The following RGL1 variants were observed in gnomAD, a reference collection of about 807,000 sequenced individuals.
RGL1 encodes ral guanine nucleotide dissociation stimulator like 1, also known as ral guanine nucleotide dissociation stimulator-like 1.
A neutral mutation model predicts 95.2 loss-of-function variants in RGL1; 24 were observed. The ratio of observed to expected loss-of-function variants is 0.25; its 90% CI spans 0.18 to 0.35. The LOEUF is 0.35. Ranked by LOEUF, RGL1 falls within the 10% of genes least tolerant of loss-of-function variation. The pLI, the probability that RGL1 is intolerant of heterozygous loss-of-function variation, is 1.00. For missense variants in RGL1, 715 were observed against 936.3 expected (o/e 0.76, Z 3.08); for synonymous variants, 329 against 344.9 (o/e 0.95, Z 0.51).
intron 3 of RGL1, among the ~76,000 whole-genome samples, chr1:183,848,321 G>A (rs1274252273): frequency 1.3e-5 from 2 of 152,122 alleles, no homozygotes; most frequent in East Asian, 1.9e-4. Context: ...ATTACATAGA[G>A]CAGTATACAT....
chr1:183,639,246 A>C (rs1269259432), intron 1 of RGL1, among the ~76,000 whole-genome samples: 1 of 149,388 alleles, frequency 6.7e-6, no homozygotes, highest in African/African-American at 2.5e-5. Context: ...GTGCCATTGC[A>C]CTCCAGCCTG....
At chr1:183,761,329 G>A (rs1167371154) in intron 2 of RGL1, among the ~76,000 whole-genome samples, 1 of 152,168 alleles carries the variant, frequency 6.6e-6, no homozygotes, top group African/African-American at 2.4e-5. Context: ...GTTATGAAAT[G>A]CTGTGAAATG....
intron 11 of RGL1, 123 bp from the exon 12 acceptor site, chr1:183,902,445 T>C (rs1668083248): frequency 1.5e-6 from 1 of 671,336 alleles, no homozygotes; most frequent in Non-Finnish European, 2.4e-6. Context: ...GTCGTAATTA[T>C]AGGATCATTG....
At chr1:183,879,617 TGAC>T (rs2102634335) in intron 4 of RGL1, among the ~76,000 whole-genome samples, 1 of 152,346 alleles carries the variant, frequency 6.6e-6, no homozygotes, top group Non-Finnish European at 1.5e-5. Flanking sequence ...CCTTCAGCAG[TGAC>T]TATTCCGGGA....
intron 1 of RGL1, among the ~76,000 whole-genome samples, chr1:183,675,010 G>A (rs1200997237): frequency 6.6e-6 from 1 of 152,220 alleles, no homozygotes; most frequent in African/African-American, 2.4e-5. Flanking sequence ...AAACCCTGCT[G>A]AAAGCTATTT....
chr1:183,780,190 T>G (rs1051205333), intron 2 of RGL1, among the ~76,000 whole-genome samples: 1 of 152,218 alleles, frequency 6.6e-6, no homozygotes, highest in Non-Finnish European at 1.5e-5. Context: ...TCATAATGTT[T>G]CTAATATGCT....
intron 1 of RGL1, among the ~76,000 whole-genome samples, chr1:183,694,253 G>A (rs1654128555): frequency 6.6e-6 from 1 of 152,208 alleles, no homozygotes; most frequent in Non-Finnish European, 1.5e-5. Flanking sequence ...GGAGAGTGCG[G>A]TGTGTTGAGC....
At chr1:183,669,501 A>G (rs985073762) in intron 1 of RGL1, among the ~76,000 whole-genome samples, 1 of 152,214 alleles carries the variant, frequency 6.6e-6, no homozygotes, top group Non-Finnish European at 1.5e-5. Flanking sequence ...ACCATATGCG[A>G]TTCTGTCCAG....
intron 2 of RGL1, among the ~76,000 whole-genome samples, chr1:183,787,423 C>T (rs1660232541): frequency 3.3e-5 from 5 of 152,152 alleles, no homozygotes; most frequent in African/African-American, 9.7e-5. Context: ...ATCCCAATAT[C>T]GTCTTCTCTT....
intron 1 of RGL1, chr1:183,647,996 G>A: frequency 6.2e-7 from 1 of 1,614,196 alleles, no homozygotes; most frequent in Non-Finnish European, 8.5e-7. Flanking sequence ...CATTGTTTAA[G>A]GGGTAGCTCT....
intron 1 of RGL1, among the ~76,000 whole-genome samples, chr1:183,680,202 C>T (rs1351000892): frequency 6.6e-6 from 1 of 151,974 alleles, no homozygotes; most frequent in Admixed American, 6.6e-5. Context: ...TTTTGCTGTC[C>T]AGAAGCTCTT....
At chr1:183,876,751 C>T (rs1666522344) in intron 4 of RGL1, among the ~76,000 whole-genome samples, 1 of 152,204 alleles carries the variant, frequency 6.6e-6, no homozygotes, top group African/African-American at 2.4e-5. Context: ...GTGTTCACAG[C>T]AGCCATCTTC....
At chr1:183,731,057 A>G (rs1212077423) in intron 1 of RGL1, among the ~76,000 whole-genome samples, 4 of 152,186 alleles carry the variant, frequency 2.6e-5, no homozygotes, top group African/African-American at 9.7e-5. Flanking sequence ...GAAGTTAACA[A>G]TTAATATCTT....
At chr1:183,677,653 A>G (rs549723450) in intron 1 of RGL1, among the ~76,000 whole-genome samples, 1 of 152,342 alleles carries the variant, frequency 6.6e-6, no homozygotes, top group Admixed American at 6.5e-5. Flanking sequence ...GCCCTGTGGA[A>G]GTGTTAATGG....
At chr1:183,708,919 G>T (rs558178687) in intron 1 of RGL1, among the ~76,000 whole-genome samples, 1 of 152,330 alleles carries the variant, frequency 6.6e-6, no homozygotes, top group East Asian at 1.9e-4. Context: ...TAAGGCTCTT[G>T]TATCAGTTTG....
At chr1:183,758,629 GA>G (rs1333837670) in intron 2 of RGL1, among the ~76,000 whole-genome samples, 1 of 152,086 alleles carries the variant, frequency 6.6e-6, no homozygotes, top group Admixed American at 6.5e-5. Context: ...TCATGTGGCA[GA>G]AAAAGTTGGA....
chr1:183,738,854 C>T (rs12133760), intron 1 of RGL1, among the ~76,000 whole-genome samples: 70,675 of 151,910 alleles, frequency 0.47, 17,358 homozygotes, highest in East Asian at 0.8. Context: ...TGAGCCAAGA[C>T]TGCACCACTG....
intron 5 of RGL1, among the ~76,000 whole-genome samples, chr1:183,882,994 A>G (rs533413787): frequency 5.3e-5 from 8 of 152,286 alleles, no homozygotes; most frequent in Admixed American, 5.2e-4. Context: ...TGAGGTTGGG[A>G]AACAACCCGA....
Position 183,884,883 on chromosome 1 carries a change from A to T in RGL1, c.896A>T (p.Glu299Val). 1 of 1,614,164 alleles carries T rather than the reference A, an allele frequency of 6.2e-7. No individual in the cohort carries two copies. Among genetic ancestry groups the T allele is most frequent in the Non-Finnish European group, 8.5e-7 (1 of 1,179,998 alleles). ...GTCAGCACCATCCTGGGGGGCAAAG[A>T]ACTCAAAACTCAGCAGAGAGCCAAA... is the stretch of plus-strand genomic sequence containing the variant. ...CVVSTILGGK[E>V]LKTQQRAKII... Residue 299 changes from glutamate (E) to valine (V), a missense_variant, in exon 7 of 18, where the codon GAA becomes GTA. Glu to Val is a moderately radical substitution (Grantham distance 121). Transcript: ENST00000360851.
Sources: gnomAD v4.1 joint callset for allele counts (sites outside exome capture counted in the v4.1 genomes callset) on GRCh38, gnomAD v4.1.1 for gene constraint, MANE v1.5 for transcripts, NCBI Gene and HGNC (gene_info 2026-07-23, HGNC 2026-07-21) for gene names.